The following PDE4D variants were observed in gnomAD, a reference collection of about 807,000 sequenced individuals.
PDE4D encodes the protein 3',5'-cyclic-AMP phosphodiesterase 4D.
A neutral mutation model predicts 87.4 loss-of-function variants in PDE4D; 24 were observed. That is an observed-to-expected ratio of 0.27 (90% CI 0.20 to 0.39). The LOEUF (loss-of-function observed/expected upper bound fraction) is 0.39, where lower values mean the gene tolerates loss of function less well. Among genes scored for constraint, PDE4D ranks in the 10% least tolerant of loss-of-function variants. PDE4D has a pLI of 1.00. For missense variants in PDE4D, 714 were observed against 1,041.0 expected, an observed-to-expected ratio of 0.69 and a Z score of 4.32; for synonymous variants, 384 against 383.2, an observed-to-expected ratio of 1.00 and a Z score of -0.02.
At chr5:59,187,203 G>T (rs1743119397) in intron 3 of PDE4D, among the ~76,000 whole-genome samples, 1 of 151,928 alleles carries the variant, frequency 6.6e-6, no homozygotes, top group East Asian at 1.9e-4. Flanking sequence ...GTTCATCAAA[G>T]AAAAAATTTC....
intron 5 of PDE4D, among the ~76,000 whole-genome samples, chr5:59,043,714 C>T (rs1580483341): frequency 6.6e-6 from 1 of 151,514 alleles, no homozygotes. Flanking sequence ...CTTCCCCCCA[C>T]CCCACAGCAG....
intron 1 of PDE4D, among the ~76,000 whole-genome samples, chr5:60,301,824 C>T (rs1753924056): frequency 6.6e-6 from 1 of 151,950 alleles, no homozygotes; most frequent in South Asian, 2.1e-4. Context: ...ATATATGGCT[C>T]TTATTATTTT....
intron 1 of PDE4D, among the ~76,000 whole-genome samples, chr5:59,374,782 AC>A (rs150523051): frequency 0.019 from 2,922 of 152,268 alleles, 87 homozygotes; most frequent in African/African-American, 0.067. Context: ...GAAGTAAAAC[AC>A]TACTCAGCAA....
intron 1 of PDE4D, among the ~76,000 whole-genome samples, chr5:59,334,241 A>T (rs1777237626): frequency 7.2e-6 from 1 of 138,268 alleles, no homozygotes; most frequent in Non-Finnish European, 1.5e-5. Flanking sequence ...GAGAGGATCC[A>T]GTGGAGTTTT....
At chr5:59,910,273 C>A (rs1753301096) in intron 3 of PDE4D, among the ~76,000 whole-genome samples, 1 of 152,172 alleles carries the variant, frequency 6.6e-6, no homozygotes, top group Non-Finnish European at 1.5e-5. Flanking sequence ...ATTCTCCTAG[C>A]ATACCTATAG....
At chr5:60,514,503 T>A (rs551458483) in intron 1 of PDE4D, among the ~76,000 whole-genome samples, 1 of 152,208 alleles carries the variant, frequency 6.6e-6, no homozygotes, top group South Asian at 2.1e-4. Flanking sequence ...GTTTAGTTAC[T>A]ACAAGGTTGG....
chr5:60,388,543 T>C (rs1762358067), intron 1 of PDE4D, among the ~76,000 whole-genome samples: 1 of 152,186 alleles, frequency 6.6e-6, no homozygotes, highest in African/African-American at 2.4e-5. Flanking sequence ...TGTCCATGTG[T>C]TCTCAGTGTT....
At chr5:59,681,604 A>G (rs1409458780) in intron 1 of PDE4D, among the ~76,000 whole-genome samples, 1 of 152,052 alleles carries the variant, frequency 6.6e-6, no homozygotes, top group African/African-American at 2.4e-5. Context: ...GGTTCCTTAT[A>G]AAAGAATGAG....
At chr5:59,972,878 T>G (rs1760931785) in intron 3 of PDE4D, among the ~76,000 whole-genome samples, 1 of 152,148 alleles carries the variant, frequency 6.6e-6, no homozygotes, top group African/African-American at 2.4e-5. Flanking sequence ...TCCAAAATAC[T>G]ACTAATTTTA....
chr5:59,767,536 C>T (rs1200327614), intron 1 of PDE4D, among the ~76,000 whole-genome samples: 1 of 151,532 alleles, frequency 6.6e-6, no homozygotes, highest in Non-Finnish European at 1.5e-5. Context: ...TACATGGAAG[C>T]ATATGCATGA....
At chr5:59,309,384 T>C (rs1198570437) in intron 1 of PDE4D, among the ~76,000 whole-genome samples, 1 of 152,230 alleles carries the variant, frequency 6.6e-6, no homozygotes, top group Non-Finnish European at 1.5e-5. Context: ...ATCCCTGTGA[T>C]GCCAGGCATG....
intron 2 of PDE4D, among the ~76,000 whole-genome samples, chr5:60,147,149 A>G (rs1329372191): frequency 6.6e-6 from 1 of 152,164 alleles, no homozygotes; most frequent in Non-Finnish European, 1.5e-5. Flanking sequence ...AGAAAGCTAC[A>G]CTGGTACTTC....
intron 3 of PDE4D, among the ~76,000 whole-genome samples, chr5:59,953,444 T>A (rs1370620792): frequency 3.9e-5 from 6 of 151,952 alleles, no homozygotes; most frequent in African/African-American, 1.2e-4. Context: ...AGGAAAAAAA[T>A]AATGATTTTA....
Position 59,557,166 on chromosome 5 carries a change from A to G in PDE4D, c.455+336002T>C, listed in dbSNP as rs569111602. On this transcript the variant is annotated intron_variant, in intron 1 of 14. Transcript: ENST00000340635. ...GGTTCCCCAAGAGTAAACATATGCCATAAGGATTTTTGCTAAATCTAGTCT... is the reference window on the plus strand; with the variant it reads ...GGTTCCCCAAGAGTAAACATATGCCGTAAGGATTTTTGCTAAATCTAGTCT... 1.1e-4 allele frequency among the ~76,000 whole-genome samples: 17 copies of G among 152,332 alleles called. 1 individual carries two copies. The highest frequency in any genetic ancestry group is 3.8e-4 in the African/African-American group (16 of 41,578).
intron 2 of PDE4D, among the ~76,000 whole-genome samples, chr5:60,040,257 T>C (rs1255487321): frequency 6.6e-6 from 1 of 152,300 alleles, no homozygotes; most frequent in Non-Finnish European, 1.5e-5. Flanking sequence ...TTGGTACTAG[T>C]GTGCTGCTGT....
intron 1 of PDE4D, among the ~76,000 whole-genome samples, chr5:59,891,602 A>T (rs768650317): frequency 1.3e-5 from 2 of 152,214 alleles, no homozygotes; most frequent in African/African-American, 4.8e-5. Context: ...AATTGAGGTT[A>T]TTAATTACAA....
At chr5:59,010,733 C>T (rs1054447577) in intron 6 of PDE4D, among the ~76,000 whole-genome samples, 13 of 152,130 alleles carry the variant, frequency 8.5e-5, no homozygotes, top group Non-Finnish European at 8.8e-5. Context: ...CTGCTCCCAG[C>T]ATGAGTGATG....
intron 1 of PDE4D, among the ~76,000 whole-genome samples, chr5:59,372,820 G>T (rs1323602304): frequency 6.6e-6 from 1 of 152,150 alleles, no homozygotes; most frequent in Non-Finnish European, 1.5e-5. Context: ...ACCCCTAGCT[G>T]AGTGGATTCC....
At chr5:60,062,282 T>C (rs1226335740) in intron 2 of PDE4D, among the ~76,000 whole-genome samples, 2 of 152,080 alleles carry the variant, frequency 1.3e-5, no homozygotes, top group African/African-American at 4.8e-5. Context: ...AAAGAAGACA[T>C]TCATGTGGGC....
Sources: gnomAD v4.1 joint callset for allele counts (sites outside exome capture counted in the v4.1 genomes callset) on GRCh38, gnomAD v4.1.1 for gene constraint, MANE v1.5 for transcripts, NCBI Gene and HGNC (gene_info 2026-07-23, HGNC 2026-07-21) for gene names.